Variants in AHCTF1 observed in about 807,000 individuals in gnomAD.
AHCTF1 encodes the protein protein ELYS.
In AHCTF1, 24 loss-of-function variants were observed where a neutral mutation model predicts 248.4. The ratio of observed to expected loss-of-function variants is 0.10; its 90% CI spans 0.07 to 0.14. The LOEUF (loss-of-function observed/expected upper bound fraction) is 0.14, where lower values mean the gene tolerates loss of function less well. AHCTF1 is among the 10% of genes least tolerant of loss of function. The probability of loss-of-function intolerance (pLI) is 1.00; values close to 1 mark genes in which losing one functional copy is unlikely to be tolerated. For missense variants in AHCTF1, 2,206 were observed against 2,636.2 expected (o/e 0.84, Z 3.57); for synonymous variants, 786 against 929.8 (o/e 0.85, Z 2.81).
chr1:246,902,083 T>C (rs965507079), intron 8 of AHCTF1, among the ~76,000 whole-genome samples: 3 of 152,084 alleles, frequency 2.0e-5, no homozygotes, highest in East Asian at 1.9e-4. Flanking sequence ...TCAAAGGTCA[T>C]CACTAGTGAT....
chr1:246,915,813 T>C (rs918866923), intron 3 of AHCTF1, among the ~76,000 whole-genome samples: 2 of 152,194 alleles, frequency 1.3e-5, no homozygotes, highest in South Asian at 2.1e-4. Flanking sequence ...AGTGTCCTCA[T>C]AGAACACAAC....
intron 29 of AHCTF1, among the ~76,000 whole-genome samples, chr1:246,860,004 G>GT (rs1661411399): frequency 1.3e-5 from 2 of 152,134 alleles, no homozygotes; most frequent in South Asian, 4.1e-4. Context: ...GCTCACGCCT[G>GT]TAATCCCAGC....
rs753224879 is a variant in AHCTF1, at chr1:246,849,596, T to C, written c.6391+19A>G. The C allele has an allele frequency of 1.0e-5, 16 of 1,580,548 alleles. No homozygotes were observed. In the South Asian group the frequency reaches 1.7e-4, roughly 17 times the overall value. ...GAGTGACTGAGATGAAAAACTGTTTTGCAGAGAAAGAAAAGTACCTTTTGC... is the reference window on the plus strand; with the variant it reads ...GAGTGACTGAGATGAAAAACTGTTTCGCAGAGAAAGAAAAGTACCTTTTGC... On this transcript the variant is annotated intron_variant, in intron 33 of 35. Coordinates refer to ENST00000648844, the MANE Select transcript of AHCTF1 (RefSeq NM_001323342.2).
intron 2 of AHCTF1, 88 bp from the exon 3 acceptor site, chr1:246,916,483 T>A (rs1666156874): frequency 8.5e-7 from 1 of 1,175,662 alleles, no homozygotes; most frequent in Admixed American, 2.4e-5. Context: ...AACTATATGT[T>A]CATTACATAA....
At chr1:246,924,116 T>C (rs1666768446) in intron 1 of AHCTF1, among the ~76,000 whole-genome samples, 1 of 152,180 alleles carries the variant, frequency 6.6e-6, no homozygotes, top group Non-Finnish European at 1.5e-5. Flanking sequence ...GCCCAAGCCA[T>C]TCTCACAGAA....
At chr1:246,863,833 A>G in intron 27 of AHCTF1, 91 bp downstream of exon 27, 1 of 1,271,090 alleles carries the variant, frequency 7.9e-7, no homozygotes, top group Non-Finnish European at 1.1e-6. Context: ...CCCCAAGCGT[A>G]TCAGTTATAA....
chr1:246,886,625 T>C (rs535587769), intron 20 of AHCTF1, among the ~76,000 whole-genome samples: 1 of 152,224 alleles, frequency 6.6e-6, no homozygotes, highest in South Asian at 2.1e-4. Flanking sequence ...CTACAGTTGA[T>C]TGAAGCCACG....
At chr1:246,876,844 G>T in intron 23 of AHCTF1, 106 bp downstream of exon 23, 1 of 1,359,858 alleles carries the variant, frequency 7.4e-7, no homozygotes, top group Non-Finnish European at 1.0e-6. Flanking sequence ...TCAAGGTAAT[G>T]CTAGGCACAG....
At chr1:246,844,037 C>T in intron 33 of AHCTF1, 109 bp from the exon 34 acceptor site, 1 of 776,318 alleles carries the variant, frequency 1.3e-6, no homozygotes, top group Non-Finnish European at 1.8e-6. Context: ...TGCAAACGTC[C>T]CCAAACCTGG....
At chr1:246,892,557 G>A (rs909487806) in intron 14 of AHCTF1, among the ~76,000 whole-genome samples, 4 of 151,958 alleles carry the variant, frequency 2.6e-5, no homozygotes, top group Non-Finnish European at 4.4e-5. Flanking sequence ...CTGACCTCAG[G>A]TGATCCGCCC....
intron 14 of AHCTF1, among the ~76,000 whole-genome samples, chr1:246,893,206 C>T (rs1430489046): frequency 2.0e-5 from 3 of 152,114 alleles, no homozygotes. Flanking sequence ...TACTCTGATC[C>T]TAAACACCTG....
chr1:246,846,746 A>AT (rs1276411875), intron 33 of AHCTF1, among the ~76,000 whole-genome samples: 1 of 150,638 alleles, frequency 6.6e-6, no homozygotes, highest in Non-Finnish European at 1.5e-5. Context: ...ACATATATAT[A>AT]TTTTTTGGGG....
At chr1:246,895,762 G>GA in intron 13 of AHCTF1, 73 bp downstream of exon 13, 1 of 1,279,326 alleles carries the variant, frequency 7.8e-7, no homozygotes, top group East Asian at 2.4e-5. Context: ...AAATAACTAA[G>GA]AAAAAAATAT....
In AHCTF1 at chr1:246,899,522, A is replaced by C. The variant is rs374352059; in HGVS notation, c.1433-10T>G. 7 of 1,603,818 alleles carry C rather than the reference A, an allele frequency of 4.4e-6. No homozygotes were observed. Among genetic ancestry groups the C allele is most frequent in the Non-Finnish European group, 6.0e-6 (7 of 1,174,434 alleles). ...AACAAACAAGTGGCATCTAAAAAAA[A>C]GATTTAAAAAATAATCCACTTACAT... On this transcript the variant is annotated splice_polypyrimidine_tract_variant and intron_variant, in intron 10 of 35. Transcript: ENST00000648844.
intron 1 of AHCTF1, among the ~76,000 whole-genome samples, chr1:246,928,281 C>A (rs899502623): frequency 2.9e-5 from 4 of 138,768 alleles, no homozygotes; most frequent in Non-Finnish European, 6.0e-5. Flanking sequence ...GTAGCCTGGG[C>A]GACAGAGCGA....
chr1:246,920,189 A>G (rs1666438657), intron 1 of AHCTF1, among the ~76,000 whole-genome samples: 1 of 149,728 alleles, frequency 6.7e-6, no homozygotes, highest in East Asian at 2.0e-4. Context: ...TCACAGTCCA[A>G]ATAACAAAAC....
intron 24 of AHCTF1, among the ~76,000 whole-genome samples, chr1:246,869,362 G>A (rs1046411867): frequency 2.0e-5 from 3 of 152,170 alleles, no homozygotes. Flanking sequence ...GTGAAAGGAG[G>A]AGTCACATGT....
At chr1:246,901,248 G>A (rs1251029494) in intron 8 of AHCTF1, among the ~76,000 whole-genome samples, 1 of 152,166 alleles carries the variant, frequency 6.6e-6, no homozygotes, top group African/African-American at 2.4e-5. Context: ...GGCTGAGGTG[G>A]GAGGATCGCT....
chr1:246,928,685 G>A (rs1667121807), intron 1 of AHCTF1, among the ~76,000 whole-genome samples: 1 of 152,152 alleles, frequency 6.6e-6, no homozygotes, highest in African/African-American at 2.4e-5. Context: ...AATTCCTGCA[G>A]TAACTGAATT....
Sources: gnomAD v4.1 joint callset for allele counts (sites outside exome capture counted in the v4.1 genomes callset) on GRCh38, gnomAD v4.1.1 for gene constraint, MANE v1.5 for transcripts, NCBI Gene and HGNC (gene_info 2026-07-23, HGNC 2026-07-21) for gene names.